The following SCEL variants were observed in gnomAD, a reference collection of about 807,000 sequenced individuals.
SCEL encodes the protein sciellin.
A neutral mutation model predicts 117.6 loss-of-function variants in SCEL; 113 were observed. That is an observed-to-expected ratio of 0.96 (90% CI 0.83 to 1.12). The LOEUF is 1.12. Ranked by LOEUF, SCEL falls within the 50% of genes most tolerant of loss-of-function variation. The pLI, the probability that SCEL is intolerant of heterozygous loss-of-function variation, is 0.00. For missense variants in SCEL, 785 were observed against 810.8 expected (o/e 0.97, Z 0.39); for synonymous variants, 270 against 256.2 (o/e 1.05, Z -0.51).
intron 9 of SCEL, among the ~76,000 whole-genome samples, chr13:77,583,540 T>A (rs2086384902): frequency 1.3e-5 from 2 of 152,112 alleles, no homozygotes; most frequent in Non-Finnish European, 2.9e-5. Flanking sequence ...AATGGGGCAG[T>A]TGTGGAGTAA....
chr13:77,621,519 A>G (rs1441023956), intron 27 of SCEL, among the ~76,000 whole-genome samples: 1 of 152,110 alleles, frequency 6.6e-6, no homozygotes, highest in Non-Finnish European at 1.5e-5. Flanking sequence ...GATGTTCTCG[A>G]GCTGTCTTTT....
At chr13:77,572,706 C>T (rs1593981876) in intron 9 of SCEL, among the ~76,000 whole-genome samples, 1 of 152,174 alleles carries the variant, frequency 6.6e-6, no homozygotes, top group African/African-American at 2.4e-5. Flanking sequence ...CGTCTGAGTC[C>T]AAATTTCCCT....
At position 77,644,420 on chromosome 13, in the gene SCEL, A is replaced by G. The variant is rs1210458958; in HGVS notation, c.*146A>G. On this transcript the variant is annotated 3_prime_UTR_variant, in exon 33 of 33. Transcript: ENST00000349847. ...TAACAATTCTGTTATTGCATAAGTA[A>G]TCTAATTGTCTTCAATAAGGTCACA... 1.3e-6 allele frequency: 1 copy of G among 765,026 alleles called. No individual in the cohort carries two copies. Among genetic ancestry groups the G allele is most frequent in the Non-Finnish European group, 2.1e-6 (1 of 472,666 alleles). 47.4% of individuals were successfully genotyped at this position (765,026 alleles called of 1,614,324 possible).
chr13:77,577,751 T>C (rs981600434), intron 9 of SCEL, among the ~76,000 whole-genome samples: 5 of 152,206 alleles, frequency 3.3e-5, no homozygotes, highest in African/African-American at 9.6e-5. Context: ...TAGCAATATA[T>C]TGCAGAAGCC....
At chr13:77,567,511 A>G (rs960385210) in intron 5 of SCEL, among the ~76,000 whole-genome samples, 169 bp from the exon 6 acceptor site, 4 of 152,234 alleles carry the variant, frequency 2.6e-5, no homozygotes, top group Non-Finnish European at 4.4e-5. Context: ...AGATTTTGTC[A>G]TAAGTGGTTT....
chr13:77,604,432 T>TC lies in SCEL; in HGVS notation c.1157+23dup, dbSNP rs1351090863. 2 of 1,556,394 alleles carry TC rather than the reference T, an allele frequency of 1.3e-6. No homozygotes were observed. The highest frequency in any genetic ancestry group is 1.7e-4 in the Middle Eastern group (1 of 5,852). On this transcript the variant is annotated intron_variant, in intron 19 of 32. Transcript: ENST00000349847. ...TATTACGAGGTAAGACATTTAAAGC[T>TC]CCCCCCTCCCCTTTGTTTGGCATTT...
At chr13:77,575,001 C>G (rs2154398062) in intron 9 of SCEL, among the ~76,000 whole-genome samples, 2 of 152,282 alleles carry the variant, frequency 1.3e-5, no homozygotes, top group East Asian at 3.9e-4. Context: ...TCTCATACAT[C>G]TTTTTCTGTG....
intron 27 of SCEL, among the ~76,000 whole-genome samples, chr13:77,623,138 A>G (rs114452934): frequency 0.015 from 2,346 of 152,340 alleles, 52 homozygotes; most frequent in African/African-American, 0.051. Flanking sequence ...ACCACAGTGT[A>G]AAAGTCATTA....
chr13:77,638,339 C>A (rs1262728773), intron 30 of SCEL, among the ~76,000 whole-genome samples: 1 of 152,020 alleles, frequency 6.6e-6, no homozygotes, highest in Non-Finnish European at 1.5e-5. Flanking sequence ...TCATTGACAC[C>A]AGCATTAGAA....
rs2084625717 is a variant in SCEL, at chr13:77,555,865, T to C, written c.-11T>C. 2 of 1,611,294 alleles carry C rather than the reference T, an allele frequency of 1.2e-6. No individual in the cohort carries two copies. The highest frequency in any genetic ancestry group is 1.7e-6 in the Non-Finnish European group (2 of 1,177,634). ...TCCCATTTTTCTTTTAGGTCCTTAC[T>C]GGAAGGCAGCATGTCCAATGTTACC... On this transcript the variant is annotated 5_prime_UTR_variant, in exon 2 of 33. Coordinates refer to ENST00000349847, the MANE Select transcript of SCEL (RefSeq NM_144777.3).
chr13:77,609,989 A>G, intron 21 of SCEL, 58 bp from the exon 22 acceptor site: 1 of 1,060,846 alleles, frequency 9.4e-7, no homozygotes, highest in East Asian at 2.7e-5. Context: ...TGTTTTAACA[A>G]ACACTTGAAA....
chr13:77,643,046 T>C (rs2154407640), intron 32 of SCEL, among the ~76,000 whole-genome samples: 1 of 152,284 alleles, frequency 6.6e-6, no homozygotes, highest in Admixed American at 6.5e-5. Context: ...AAGGGTCATT[T>C]ATTTTAGAAA....
intron 27 of SCEL, among the ~76,000 whole-genome samples, chr13:77,624,956 T>C (rs2089652264): frequency 1.3e-5 from 2 of 152,242 alleles, no homozygotes; most frequent in South Asian, 4.1e-4. Context: ...GCAGCTACTA[T>C]GTGCAAGGCC....
At chr13:77,558,449 G>A (rs367853689) in intron 3 of SCEL, among the ~76,000 whole-genome samples, 1 of 152,020 alleles carries the variant, frequency 6.6e-6, no homozygotes, top group East Asian at 1.9e-4. Context: ...ATATTTGCTG[G>A]CATTGTTTCA....
chr13:77,603,323 G>A (rs555830337), intron 18 of SCEL, among the ~76,000 whole-genome samples, 188 bp downstream of exon 18: 24 of 152,300 alleles, frequency 1.6e-4, no homozygotes, highest in African/African-American at 4.8e-4. Context: ...CTTAATGTTT[G>A]ATAGTAAATT....
chr13:77,541,672 G>A (rs2154393808), intron 1 of SCEL, among the ~76,000 whole-genome samples: 1 of 152,254 alleles, frequency 6.6e-6, no homozygotes, highest in Non-Finnish European at 1.5e-5. Flanking sequence ...AAAAACCCTG[G>A]AAGAAAATTA....
chr13:77,620,184 G>C (rs963169218), intron 27 of SCEL, among the ~76,000 whole-genome samples: 25 of 152,122 alleles, frequency 1.6e-4, no homozygotes, highest in Non-Finnish European at 3.5e-4. Context: ...AATCCACTGG[G>C]ATGTTCAAGA....
chr13:77,544,861 A>G (rs922621583), intron 1 of SCEL, among the ~76,000 whole-genome samples: 1 of 152,244 alleles, frequency 6.6e-6, no homozygotes, highest in Non-Finnish European at 1.5e-5. Context: ...GAGTGATTTC[A>G]TGTAAAACCT....
chr13:77,640,706 C>A lies in SCEL; in HGVS notation c.1869C>A (p.Tyr623Ter). The change falls in exon 31 of 33, where the codon TAC (tyrosine) becomes TAA (stop). Residue 623 changes from tyrosine to a stop codon, truncating the protein, a stop_gained. Coordinates refer to ENST00000349847, the MANE Select transcript of SCEL (RefSeq NM_144777.3). LOFTEE classifies it high-confidence loss of function. ...RSVIERDMCT[Y>*]CRKPLGVETK... is the part of the protein sequence containing the mutation. ...TCATTGAAAGAGATATGTGCACTTA[C>A]TGCCGAAAACCCTTGGGTGTAGAAA... is the stretch of plus-strand genomic sequence containing the variant. 4 of 1,601,866 alleles carry A rather than the reference C, an allele frequency of 2.5e-6. No homozygotes were observed. The South Asian group carries it at 4.5e-5, about 18-fold the overall frequency.
Sources: gnomAD v4.1 joint callset for allele counts (sites outside exome capture counted in the v4.1 genomes callset) on GRCh38, gnomAD v4.1.1 for gene constraint, MANE v1.5 for transcripts, NCBI Gene and HGNC (gene_info 2026-07-23, HGNC 2026-07-21) for gene names.